The following PXDNL variants were observed in gnomAD, a reference collection of about 807,000 sequenced individuals.
PXDNL encodes the protein peroxidasin like, also known as probable oxidoreductase PXDNL.
A neutral mutation model predicts 150.8 loss-of-function variants in PXDNL; 145 were observed. The observed-to-expected ratio is 0.96, with a 90% CI of 0.84 to 1.10. PXDNL has a LOEUF of 1.10. Ranked by LOEUF, PXDNL falls within the 50% of genes least tolerant of loss-of-function variation. The pLI is 0.00. For missense variants in PXDNL, 2,087 were observed against 1,873.9 expected (o/e 1.11, Z -2.10); for synonymous variants, 757 against 725.7 (o/e 1.04, Z -0.69).
At chr8:51,451,544 G>T (rs1809808523) in intron 10 of PXDNL, among the ~76,000 whole-genome samples, 1 of 152,150 alleles carries the variant, frequency 6.6e-6, no homozygotes, top group Non-Finnish European at 1.5e-5. Flanking sequence ...TACTCATTAA[G>T]GTGCTGCCTC....
chr8:51,682,118 A>G (rs1815762904), intron 1 of PXDNL, among the ~76,000 whole-genome samples: 2 of 152,354 alleles, frequency 1.3e-5, no homozygotes, highest in South Asian at 2.1e-4. Context: ...TATAAATGCT[A>G]TGGTTTAAAA....
intron 12 of PXDNL, among the ~76,000 whole-genome samples, chr8:51,436,995 A>G (rs183689754): frequency 2.0e-5 from 3 of 152,346 alleles, no homozygotes; most frequent in Admixed American, 2.0e-4. Context: ...AAATAAGCTC[A>G]ATTAGAAATG....
chr8:51,409,377 G>T lies in PXDNL; in HGVS notation c.2247C>A (p.Phe749Leu). The T allele has an allele frequency of 6.3e-7, 1 of 1,581,058 alleles. No individual in the cohort carries two copies. The highest frequency in any genetic ancestry group is 8.6e-7 in the Non-Finnish European group (1 of 1,166,854). The part of the protein sequence containing the change: ...QPTWGAALTA[F>L]ARLLQPAYRD... ...GGTAGGCTGGCTGCAGCAGGCGCGCGAAGGCGGTCAGCGCCGCGCCCCACG... is the reference window on the plus strand; with the variant it reads ...GGTAGGCTGGCTGCAGCAGGCGCGCTAAGGCGGTCAGCGCCGCGCCCCACG... Residue 749 changes from phenylalanine (F) to leucine (L), a missense_variant, in exon 17 of 23, where the codon TTC becomes TTA. Coordinates refer to ENST00000356297, the MANE Select transcript of PXDNL (RefSeq NM_144651.5).
intron 1 of PXDNL, among the ~76,000 whole-genome samples, chr8:51,725,566 C>T (rs1239076021): frequency 6.6e-6 from 1 of 152,142 alleles, no homozygotes; most frequent in African/African-American, 2.4e-5. Flanking sequence ...TTCCCGGGAG[C>T]GTTGTCCTGG....
intron 1 of PXDNL, among the ~76,000 whole-genome samples, chr8:51,694,398 T>A (rs974447590): frequency 6.6e-6 from 1 of 152,036 alleles, no homozygotes; most frequent in Non-Finnish European, 1.5e-5. Flanking sequence ...CACTAATAAC[T>A]CTGTGACACA....
At chr8:51,402,288 G>C (rs1350818938) in intron 17 of PXDNL, among the ~76,000 whole-genome samples, 1 of 152,176 alleles carries the variant, frequency 6.6e-6, no homozygotes, top group Non-Finnish European at 1.5e-5. Flanking sequence ...CCAGTACTTT[G>C]GGAGGCTGAA....
intron 1 of PXDNL, among the ~76,000 whole-genome samples, chr8:51,780,071 C>T (rs537313165): frequency 1.3e-5 from 2 of 152,170 alleles, no homozygotes; most frequent in South Asian, 2.1e-4. Flanking sequence ...ATTAGCTGGG[C>T]GTGATGGCAG....
At chr8:51,744,097 A>G (rs1239639189) in intron 1 of PXDNL, among the ~76,000 whole-genome samples, 6 of 131,384 alleles carry the variant, frequency 4.6e-5, no homozygotes, top group African/African-American at 1.5e-4. Flanking sequence ...AAGGAAGGAA[A>G]GAAAGAAAGA....
At chr8:51,682,090 T>A (rs1277448464) in intron 1 of PXDNL, among the ~76,000 whole-genome samples, 1 of 152,222 alleles carries the variant, frequency 6.6e-6, no homozygotes, top group Admixed American at 6.5e-5. Flanking sequence ...GCTAAAAAAA[T>A]TTTAGCAAAT....
chr8:51,774,595 G>T (rs1460916404), intron 1 of PXDNL, among the ~76,000 whole-genome samples: 1 of 152,058 alleles, frequency 6.6e-6, no homozygotes, highest in Non-Finnish European at 1.5e-5. Flanking sequence ...GAGGCGGGTG[G>T]ATCATGAAGT....
chr8:51,630,820 A>G (rs1268722472), intron 2 of PXDNL, among the ~76,000 whole-genome samples: 1 of 151,864 alleles, frequency 6.6e-6, no homozygotes, highest in Non-Finnish European at 1.5e-5. Context: ...GAATGCTTAT[A>G]CACTGCTGGT....
At chr8:51,574,947 G>T (rs372832512) in intron 3 of PXDNL, among the ~76,000 whole-genome samples, 5 of 151,962 alleles carry the variant, frequency 3.3e-5, no homozygotes, top group African/African-American at 1.2e-4. Context: ...ATACAAGAAG[G>T]AAATATGAGG....
At chr8:51,700,964 C>G (rs943757909) in intron 1 of PXDNL, among the ~76,000 whole-genome samples, 2 of 151,642 alleles carry the variant, frequency 1.3e-5, no homozygotes, top group Non-Finnish European at 2.9e-5. Context: ...CACATACACA[C>G]ATACACAAAT....
chr8:51,478,232 T>G (rs1810525552), intron 6 of PXDNL, among the ~76,000 whole-genome samples: 1 of 152,188 alleles, frequency 6.6e-6, no homozygotes, highest in Admixed American at 6.5e-5. Flanking sequence ...GAATACACTA[T>G]GTTTAAAATC....
At position 51,373,264 on chromosome 8, in the gene PXDNL, A is replaced by T. The variant is rs942761438; in HGVS notation, c.3693-1183T>A. 5.3e-5 allele frequency among the ~76,000 whole-genome samples: 8 copies of T among 152,338 alleles called. No individual in the cohort carries two copies. In the East Asian group the frequency reaches 1.5e-3, roughly 29 times the overall value. Reference sequence around the variant, plus strand: ...TGAAGACACAGGGAGAAGATGCCACATACAAGCCAGAAGAGACGCCCCAGT... The same window carrying T: ...TGAAGACACAGGGAGAAGATGCCACTTACAAGCCAGAAGAGACGCCCCAGT... On this transcript the variant is annotated intron_variant, in intron 18 of 22. Transcript: ENST00000356297.
At chr8:51,437,187 T>G (rs1015818574) in intron 12 of PXDNL, among the ~76,000 whole-genome samples, 2 of 152,118 alleles carry the variant, frequency 1.3e-5, no homozygotes, top group African/African-American at 4.8e-5. Context: ...CAGTAAGTAG[T>G]GAGATTAACA....
intron 1 of PXDNL, among the ~76,000 whole-genome samples, chr8:51,779,134 G>A (rs907192719): frequency 6.6e-6 from 1 of 152,202 alleles, no homozygotes; most frequent in Non-Finnish European, 1.5e-5. Flanking sequence ...AGATAATACT[G>A]TAGTGAGACT....
intron 17 of PXDNL, among the ~76,000 whole-genome samples, chr8:51,378,014 T>A (rs1407657900): frequency 1.3e-5 from 2 of 152,252 alleles, no homozygotes; most frequent in Non-Finnish European, 2.9e-5. Flanking sequence ...AGAACCTTTA[T>A]GTCTAGCTAA....
At chr8:51,798,085 T>C (rs1349609220) in intron 1 of PXDNL, among the ~76,000 whole-genome samples, 2 of 152,134 alleles carry the variant, frequency 1.3e-5, no homozygotes, top group Admixed American at 6.5e-5. Context: ...GGAAGGATTC[T>C]CTATTTATTA....
Sources: gnomAD v4.1 joint callset for allele counts (sites outside exome capture counted in the v4.1 genomes callset) on GRCh38, gnomAD v4.1.1 for gene constraint, MANE v1.5 for transcripts, NCBI Gene and HGNC (gene_info 2026-07-23, HGNC 2026-07-21) for gene names.